NOS3: variants seen among roughly 807,000 people sequenced by gnomAD.
NOS3 encodes the protein nitric oxide synthase 3.
NOS3 carries 98 observed loss-of-function variants against 144.9 expected under a neutral mutation model. The ratio of observed to expected loss-of-function variants is 0.68; its 90% CI spans 0.57 to 0.80. NOS3 has a LOEUF of 0.80. NOS3 is among the 30% of genes least tolerant of loss of function. The pLI, the probability that NOS3 is intolerant of heterozygous loss-of-function variation, is 0.00. For missense variants in NOS3, 1,465 were observed against 1,656.4 expected (o/e 0.88, Z 2.01); for synonymous variants, 714 against 702.4 (o/e 1.02, Z -0.26).
chr7:151,003,549 A>G lies in NOS3; in HGVS notation c.1752+1245A>G, dbSNP rs73167652. On this transcript the variant is annotated intron_variant, in intron 14 of 26. Coordinates refer to ENST00000297494, the MANE Select transcript of NOS3 (RefSeq NM_000603.5). This position sits in a 1 kb window ranked among gnomAD's most constrained non-coding sequence, Gnocchi z 4.1. ...CACCAGCAATTGACTTTTTTTTAGC[A>G]TAAAGGTGTATAGACACCCATATAA... 103,692 of 1,286,156 alleles carry G rather than the reference A, an allele frequency of 0.081. 4,814 individuals carry two copies. Among genetic ancestry groups the G allele is most frequent in the African/African-American group, 0.15 (9,598 of 65,156 alleles). The allele number at this position is 1,286,156 out of a possible 1,614,324, so 79.7% of individuals were successfully genotyped here.
In NOS3 at chr7:150,996,801, T is replaced by C. The variant is rs1054754614; in HGVS notation, c.458T>C (p.Val153Ala). Residue 153 changes from valine to alanine, a missense_variant, in exon 5 of 27, where the codon GTG (valine) becomes GCG (alanine). Physicochemically the swap from Val to Ala is moderately conservative, Grantham distance 64. Transcript: ENST00000297494. ...SQAHEQRLQE[V>A]EAEVAATGTY... ...GCCCACGAACAGCGGCTTCAAGAGGTGGAAGCCGAGGTGGCAGCCACAGGC... is the reference window on the plus strand; with the variant it reads ...GCCCACGAACAGCGGCTTCAAGAGGCGGAAGCCGAGGTGGCAGCCACAGGC... 2 of 1,610,434 alleles carry C rather than the reference T, an allele frequency of 1.2e-6. No homozygotes were observed. The highest frequency in any genetic ancestry group is 1.7e-5 in the Admixed American group (1 of 59,904).
chr7:151,002,241 C>T lies in NOS3; in HGVS notation c.1689C>T (p.His563=). The part of the protein sequence containing the change: ...MDEYDVVSLE[H]ETLVLVVTST... ...AGTATGACGTGGTGTCCCTCGAACA[C>T]GAGACGCTGGTGCTGGTGGTAACCA... is the stretch of plus-strand genomic sequence containing the variant. The change falls in exon 14 of 27, where the codon CAC becomes CAT. Residue 563 remains histidine (H), a synonymous_variant. Coordinates refer to ENST00000297494, the MANE Select transcript of NOS3 (RefSeq NM_000603.5). This position sits in a 1 kb window ranked among gnomAD's most constrained non-coding sequence, Gnocchi z 4.1. The T allele has an allele frequency of 6.2e-7, 1 of 1,601,454 alleles. No individual in the cohort carries two copies. Among genetic ancestry groups the T allele is most frequent in the Non-Finnish European group, 8.5e-7 (1 of 1,174,012 alleles).
Position 151,010,271 on chromosome 7 carries a change from TGGAGGCCCTCAGCCAG to T in NOS3, c.2671_2685+1del. The T allele has an allele frequency of 1.2e-6, 2 of 1,612,750 alleles. No individual in the cohort carries two copies. Among genetic ancestry groups the T allele is most frequent in the Non-Finnish European group, 1.7e-6 (2 of 1,179,780 alleles). On this transcript the variant is annotated frameshift_variant and splice_region_variant, in exon 21 of 27. Transcript: ENST00000297494. LOFTEE classifies it high-confidence loss of function. ...GAAGAGCCCAGGGAACAGCAGGAGC[TGGAGGCCCTCAGCCAG>T]GTTGGGGGCCACCCCAATGAGGCAC...
Position 151,010,591 on chromosome 7 carries a change from C to G in NOS3, c.2686-6C>G. 1.3e-6 allele frequency: 2 copies of G among 1,572,242 alleles called. No individual in the cohort carries two copies. Among genetic ancestry groups the G allele is most frequent in the Non-Finnish European group, 1.7e-6 (2 of 1,158,306 alleles). ...GCCTCCAACCCACTGCATCCTGCCCCGCCAGGATCCCCGACGCTACGAGGA... is the reference window on the plus strand; with the variant it reads ...GCCTCCAACCCACTGCATCCTGCCCGGCCAGGATCCCCGACGCTACGAGGA... On this transcript the variant is annotated splice_polypyrimidine_tract_variant and splice_region_variant and intron_variant, in intron 21 of 26. Transcript: ENST00000297494.
intron 10 of NOS3, 95 bp from the exon 11 acceptor site, chr7:151,001,136 G>A (rs910569303): frequency 8.0e-7 from 1 of 1,243,542 alleles, no homozygotes; most frequent in Admixed American, 1.7e-5. Flanking sequence ...GGTAATCGAG[G>A]GCACATGTGG....
At chr7:151,012,667 C>A in intron 24 of NOS3, 195 bp downstream of exon 24, 1 of 578,860 alleles carries the variant, frequency 1.7e-6, no homozygotes, top group South Asian at 2.3e-5. Context: ...CTTCCTGGTG[C>A]CTGGTACATA....
Position 150,998,638 on chromosome 7 carries a change from T to C in NOS3, c.774T>C (p.Asp258=), listed in dbSNP as rs1549758. The change falls in exon 7 of 27, where the codon GAT becomes GAC. Residue 258 remains aspartate, a synonymous_variant. Coordinates refer to ENST00000297494, the MANE Select transcript of NOS3 (RefSeq NM_000603.5). This position sits in a 1 kb window ranked among gnomAD's most constrained non-coding sequence, Gnocchi z 5.0. ...LVRYAGYRQQ[D]GSVRGDPANV... ...GCTACGCGGGCTACCGGCAGCAGGA[T>C]GGCTCTGTGCGGGGGGACCCAGCCA... is the stretch of plus-strand genomic sequence containing the variant. The C allele has an allele frequency of 0.71, 1,144,653 of 1,607,270 alleles. 411,789 individuals carry two copies. Among genetic ancestry groups the C allele is most frequent in the African/African-American group, 0.89 (66,438 of 75,022 alleles).
At position 151,001,753 on chromosome 7, in the gene NOS3, T is replaced by C. The variant is rs1795103927; in HGVS notation, c.1503-68T>C. Reference sequence around the variant, plus strand: ...TCCCAAAACCCTGTTGTGAGGGGGTTGGACCCTTGCCTGGGGAGGCCCTGC... The same window carrying C: ...TCCCAAAACCCTGTTGTGAGGGGGTCGGACCCTTGCCTGGGGAGGCCCTGC... On this transcript the variant is annotated intron_variant, in intron 12 of 26. Transcript: ENST00000297494. 17 of 1,602,772 alleles carry C rather than the reference T, an allele frequency of 1.1e-5. No homozygotes were observed. The South Asian group carries it at 1.7e-4, about 16-fold the overall frequency.
intron 17 of NOS3, 124 bp from the exon 18 acceptor site, chr7:151,008,806 G>T: frequency 1.8e-6 from 2 of 1,132,902 alleles, no homozygotes; most frequent in Non-Finnish European, 2.4e-6. Flanking sequence ...TGTCCTTGGC[G>T]CCGGCCTCAG....
intron 20 of NOS3, 138 bp downstream of exon 20, chr7:151,009,723 T>A: frequency 1.4e-6 from 1 of 730,304 alleles, no homozygotes; most frequent in Non-Finnish European, 2.2e-6. Context: ...GGCTCAGAGC[T>A]GGCTGTGCTG....
At chr7:151,012,504 G>C (rs925954245) in intron 24 of NOS3, 32 bp downstream of exon 24, 2 of 1,600,864 alleles carry the variant, frequency 1.2e-6, no homozygotes, top group African/African-American at 2.7e-5. Context: ...CTGCCTGAAG[G>C]GAGTCACACA....
rs772989559 is a variant in NOS3, at chr7:150,998,089, G to A, written c.583-268G>A. ...CCCAAGCATCAGTTTGGCAGAGGCCGAGTCCCTCCTCTGTACTGGATACCA... is the reference window on the plus strand; with the variant it reads ...CCCAAGCATCAGTTTGGCAGAGGCCAAGTCCCTCCTCTGTACTGGATACCA... On this transcript the variant is annotated intron_variant, in intron 5 of 26. Transcript: ENST00000297494. This position sits in a 1 kb window ranked among gnomAD's most constrained non-coding sequence, Gnocchi z 5.0. 1.2e-4 allele frequency among the ~76,000 whole-genome samples: 18 copies of A among 152,326 alleles called. No individual in the cohort carries two copies. The highest frequency in any genetic ancestry group is 7.7e-4 in the East Asian group (4 of 5,186).
At chr7:151,004,252 C>T (rs1457190257) in intron 14 of NOS3, among the ~76,000 whole-genome samples, 1 of 152,204 alleles carries the variant, frequency 6.6e-6, no homozygotes, top group Admixed American at 6.5e-5. Context: ...GGGAGAATTG[C>T]TTGAACCTGG....
Position 151,014,152 on chromosome 7 carries a change from G to C in NOS3, c.3595G>C (p.Asp1199His). The C allele has an allele frequency of 6.2e-7, 1 of 1,607,506 alleles. No homozygotes were observed. The highest frequency in any genetic ancestry group is 8.5e-7 in the Non-Finnish European group (1 of 1,175,800). ...VPWAFDPPGSDTNSP is the reference protein window; with the variant it reads ...VPWAFDPPGSHTNSP ...CTGGGCGTTCGACCCTCCCGGCTCAGACACCAACAGCCCCTGAGAGCCGCC... is the reference window on the plus strand; with the variant it reads ...CTGGGCGTTCGACCCTCCCGGCTCACACACCAACAGCCCCTGAGAGCCGCC... Residue 1199 changes from aspartate (D) to histidine (H), a missense_variant, in exon 27 of 27, where the codon GAC (aspartate) becomes CAC (histidine). Asp to His is a moderately conservative substitution (Grantham distance 81). Around this residue, in one of 5 missense-constraint regions of NOS3, gnomAD observed 228 missense variants for 227.7 expected, o/e 1.00. Transcript: ENST00000297494.
At chr7:150,999,136 C>T (rs1802508368) in intron 8 of NOS3, 51 bp downstream of exon 8, 4 of 1,611,810 alleles carry the variant, frequency 2.5e-6, no homozygotes, top group Non-Finnish European at 3.4e-6. Context: ...CATCCCTGAG[C>T]CTCTCAAGAA....
chr7:150,997,069 AG>A (rs1802447173), intron 5 of NOS3, 144 bp downstream of exon 5: 2 of 1,064,842 alleles, frequency 1.9e-6, no homozygotes, highest in Admixed American at 2.7e-5. Context: ...CTGGAAAGGT[AG>A]GGGGACTGCC....
Position 150,998,149 on chromosome 7 carries a change from C to T in NOS3, c.583-208C>T, listed in dbSNP as rs1802474912. 1.3e-5 allele frequency among the ~76,000 whole-genome samples: 2 copies of T among 152,120 alleles called. No homozygotes were observed. Among genetic ancestry groups the T allele is most frequent in the South Asian group, 4.1e-4 (2 of 4,820 alleles). ...CCATAGGGATGGGGAGACACCTGGC[C>T]CAGGGAGGAGATGAGAAGCAGCCCG... On this transcript the variant is annotated intron_variant, in intron 5 of 26. Coordinates refer to ENST00000297494, the MANE Select transcript of NOS3 (RefSeq NM_000603.5). The surrounding 1 kb of genome is among the most constrained non-coding windows in gnomAD (Gnocchi z 5.0).
intron 25 of NOS3, 133 bp downstream of exon 25, chr7:151,013,512 T>A: frequency 8.1e-7 from 1 of 1,238,514 alleles, no homozygotes; most frequent in Non-Finnish European, 1.1e-6. Context: ...CTGCACACTC[T>A]GGCCCACCCT....
At chr7:151,000,788 C>T (rs572323988) in intron 10 of NOS3, among the ~76,000 whole-genome samples, 189 bp downstream of exon 10, 11 of 152,278 alleles carry the variant, frequency 7.2e-5, no homozygotes, top group Admixed American at 2.0e-4. Flanking sequence ...CTATTCCAGG[C>T]GCTGTCATCT....
Sources: gnomAD v4.1 joint callset for allele counts (sites outside exome capture counted in the v4.1 genomes callset) on GRCh38, gnomAD v4.1.1 for gene constraint, gnomAD v4.1.1 regional missense constraint, Gnocchi (gnomAD v3.1) non-coding constraint, MANE v1.5 for transcripts, NCBI Gene and HGNC (gene_info 2026-07-23, HGNC 2026-07-21) for gene names.